The following CHMP4B variants were observed in gnomAD, a reference collection of about 807,000 sequenced individuals.
CHMP4B encodes the protein SNF7 homolog associated with Alix 1.
In CHMP4B, 1 loss-of-function variant was observed where a neutral mutation model predicts 25.1. The ratio of observed to expected loss-of-function variants is 0.04; its 90% CI spans 0.01 to 0.19. CHMP4B has a LOEUF of 0.19. CHMP4B is among the 10% of genes least tolerant of loss of function. The pLI, the probability that CHMP4B is intolerant of heterozygous loss-of-function variation, is 1.00. For synonymous variants in CHMP4B, 101 were observed against 115.6 expected (o/e 0.87, Z 0.81); for missense variants, 151 against 289.7 (o/e 0.52, Z 3.48).
At chr20:33,852,798 C>T (rs1176207481) in intron 4 of CHMP4B, among the ~76,000 whole-genome samples, 1 of 152,190 alleles carries the variant, frequency 6.6e-6, no homozygotes, top group Non-Finnish European at 1.5e-5. Flanking sequence ...AGAGACAGCC[C>T]CTGGGGGAAG....
intron 1 of CHMP4B, among the ~76,000 whole-genome samples, chr20:33,831,422 G>A (rs1329143873): frequency 1.3e-5 from 2 of 151,834 alleles, no homozygotes; most frequent in Non-Finnish European, 2.9e-5. Context: ...TGAAGATGAG[G>A]TTTCGCTGTG....
intron 1 of CHMP4B, among the ~76,000 whole-genome samples, chr20:33,817,055 G>A (rs751451745): frequency 5.9e-5 from 9 of 152,206 alleles, no homozygotes; most frequent in Non-Finnish European, 1.2e-4. Flanking sequence ...GACAAAGAAC[G>A]TGGCTCTTTG....
At chr20:33,824,514 G>C (rs890633192) in intron 1 of CHMP4B, among the ~76,000 whole-genome samples, 2 of 152,210 alleles carry the variant, frequency 1.3e-5, no homozygotes, top group African/African-American at 4.8e-5. Context: ...AGAGGAGACT[G>C]TTATTACATT....
At chr20:33,829,603 AC>A (rs1484890744) in intron 1 of CHMP4B, among the ~76,000 whole-genome samples, 2 of 152,202 alleles carry the variant, frequency 1.3e-5, no homozygotes, top group Non-Finnish European at 2.9e-5. Context: ...GTGAAACCAG[AC>A]CCCAGAAAGA....
intron 3 of CHMP4B, 95 bp from the exon 4 acceptor site, chr20:33,851,982 G>T (rs920209556): frequency 7.9e-6 from 12 of 1,524,438 alleles, no homozygotes; most frequent in African/African-American, 1.4e-5. Context: ...TCTCAGAGGG[G>T]TGTGTGTCTC....
chr20:33,834,363 T>G (rs1979334593), intron 1 of CHMP4B, among the ~76,000 whole-genome samples: 2 of 152,146 alleles, frequency 1.3e-5, no homozygotes, highest in South Asian at 4.1e-4. Flanking sequence ...TAGGCTGGAG[T>G]GCAGTGGCAC....
chr20:33,820,485 C>T (rs1978909639), intron 1 of CHMP4B, among the ~76,000 whole-genome samples: 1 of 152,202 alleles, frequency 6.6e-6, no homozygotes, highest in Admixed American at 6.5e-5. Context: ...GTAATTTGAG[C>T]TGTATGCTAG....
chr20:33,832,929 C>T (rs191119338), intron 1 of CHMP4B, among the ~76,000 whole-genome samples: 3 of 151,352 alleles, frequency 2.0e-5, no homozygotes, highest in Admixed American at 1.3e-4. Context: ...CAGGTGTGCA[C>T]CACCATGCCT....
intron 1 of CHMP4B, among the ~76,000 whole-genome samples, chr20:33,828,725 TTGGTATATA>T (rs1382290570): frequency 1.3e-5 from 2 of 152,158 alleles, no homozygotes; most frequent in East Asian, 3.9e-4. Context: ...TAAGAAACAG[TTGGTATATA>T]AATAGTAATT....
intron 1 of CHMP4B, among the ~76,000 whole-genome samples, chr20:33,825,200 T>C (rs1478456837): frequency 6.6e-6 from 1 of 152,214 alleles, no homozygotes; most frequent in Admixed American, 6.5e-5. Context: ...AATGGGTGTA[T>C]GATAATAGTT....
chr20:33,837,170 G>A (rs1478464296), intron 1 of CHMP4B, among the ~76,000 whole-genome samples: 1 of 152,158 alleles, frequency 6.6e-6, no homozygotes, highest in African/African-American at 2.4e-5. Flanking sequence ...TGTTATCCCA[G>A]CACTTTAGGA....
At chr20:33,818,263 G>A (rs1978835412) in intron 1 of CHMP4B, among the ~76,000 whole-genome samples, 1 of 152,196 alleles carries the variant, frequency 6.6e-6, no homozygotes, top group African/African-American at 2.4e-5. Flanking sequence ...AGACACACAG[G>A]TAAAAGTAAC....
At chr20:33,821,548 A>C (rs879334672) in intron 1 of CHMP4B, among the ~76,000 whole-genome samples, 4 of 152,202 alleles carry the variant, frequency 2.6e-5, no homozygotes, top group Non-Finnish European at 5.9e-5. Context: ...TGACTCCTCC[A>C]GTAGGCTGAG....
chr20:33,818,046 G>A (rs992742581), intron 1 of CHMP4B, among the ~76,000 whole-genome samples: 1 of 152,162 alleles, frequency 6.6e-6, no homozygotes. Context: ...TGTGAAAAGG[G>A]AAATACTACC....
Position 33,852,119 on chromosome 20 carries a change from C to T in CHMP4B, c.526C>T (p.Leu176=). 2 of 1,614,224 alleles carry T rather than the reference C, an allele frequency of 1.2e-6. No homozygotes were observed. Among genetic ancestry groups the T allele is most frequent in the Non-Finnish European group, 1.7e-6 (2 of 1,180,024 alleles). The change falls in exon 4 of 5, where the codon CTA becomes TTA. Residue 176 remains leucine (L), a synonymous_variant. Coordinates refer to ENST00000217402, the MANE Select transcript of CHMP4B (RefSeq NM_176812.5). The part of the protein sequence containing the change: ...AELEELEQEE[L]DKNLLEISGP... ...ATTAGAAGAACTAGAACAGGAGGAA[C>T]TAGACAAGAATTTGCTGGAAATCAG...
At chr20:33,848,722 A>G in intron 2 of CHMP4B, 78 bp downstream of exon 2, 3 of 1,484,490 alleles carry the variant, frequency 2.0e-6, no homozygotes, top group South Asian at 1.2e-5. Context: ...GGCCTTGGGC[A>G]GACGGATCCC....
chr20:33,830,785 T>C (rs1979217726), intron 1 of CHMP4B, among the ~76,000 whole-genome samples: 1 of 152,082 alleles, frequency 6.6e-6, no homozygotes, highest in Admixed American at 6.5e-5. Flanking sequence ...CTCCTTAGCT[T>C]TTTGTTTTCT....
At position 33,821,903 on chromosome 20, in the gene CHMP4B, G is replaced by A. The variant is rs1236244238; in HGVS notation, c.190+10245G>A. The stretch of plus-strand genomic sequence containing the variant: ...AAGATCTTGGCTCACTGTAACCTCC[G>A]CCTTCTGGGCTGAAGACATCCTCCC... On this transcript the variant is annotated intron_variant, in intron 1 of 4. Coordinates refer to ENST00000217402, the MANE Select transcript of CHMP4B (RefSeq NM_176812.5). Among the ~76,000 whole-genome samples the A allele has an allele frequency of 2.0e-5, 3 of 151,610 alleles. No homozygotes were observed. The South Asian group carries it at 6.3e-4, about 32-fold the overall frequency.
chr20:33,851,177 C>A, intron 3 of CHMP4B, 111 bp downstream of exon 3: 1 of 770,552 alleles, frequency 1.3e-6, no homozygotes, highest in Non-Finnish European at 2.3e-6. Context: ...TGGACAGAGA[C>A]AGGGCATGGT....
Sources: allele counts gnomAD v4.1 joint callset (sites outside exome capture counted in the v4.1 genomes callset), GRCh38; gene constraint gnomAD v4.1.1; transcripts MANE v1.5; gene names NCBI Gene and HGNC (gene_info 2026-07-23, HGNC 2026-07-21).